PCLO: variants seen among roughly 807,000 people sequenced by gnomAD.
PCLO encodes protein piccolo.
A neutral mutation model predicts 427.5 loss-of-function variants in PCLO; 82 were observed. The ratio of observed to expected loss-of-function variants is 0.19; its 90% CI spans 0.16 to 0.23. PCLO has a LOEUF of 0.23. Ranked by LOEUF, PCLO falls within the 10% of genes least tolerant of loss-of-function variation. The pLI is 1.00. For synonymous variants in PCLO, 2,357 were observed against 2,155.4 expected, an observed-to-expected ratio of 1.09 and a Z score of -2.59; for missense variants, 6,239 against 6,115.9, an observed-to-expected ratio of 1.02 and a Z score of -0.67.
Position 82,916,881 on chromosome 7 carries a change from C to A in PCLO, c.11113-8G>T. The A allele has an allele frequency of 6.3e-7, 1 of 1,591,802 alleles. No homozygotes were observed. The highest frequency in any genetic ancestry group is 8.6e-7 in the Non-Finnish European group (1 of 1,168,346). On this transcript the variant is annotated splice_region_variant and splice_polypyrimidine_tract_variant and intron_variant, in intron 6 of 24. Coordinates refer to ENST00000333891, the MANE Select transcript of PCLO (RefSeq NM_033026.6). ...GGTTTGAGAACCTTTAGTCTATAAT[C>A]AAGTAAACAAAATATAGTACTTTAG... is the stretch of plus-strand genomic sequence containing the variant.
rs1266689766 is a variant in PCLO, at chr7:82,949,939, A to G, written c.10649T>C (p.Ile3550Thr). 2.5e-6 allele frequency: 4 copies of G among 1,613,494 alleles called. No individual in the cohort carries two copies. Among genetic ancestry groups the G allele is most frequent in the Non-Finnish European group, 3.4e-6 (4 of 1,179,794 alleles). The change falls in exon 6 of 25, where the codon ATT becomes ACT. Residue 3550 changes from isoleucine to threonine, a missense_variant. This residue lies in a region of PCLO where 4,677 missense variants were observed against 4,468.4 expected (regional missense o/e 1.05). Coordinates refer to ENST00000333891, the MANE Select transcript of PCLO (RefSeq NM_033026.6). Reference protein sequence around the residue: ...RARVDAKVEIIKHISAPEKTY... With the variant: ...RARVDAKVEITKHISAPEKTY... Reference sequence around the variant, plus strand: ...CTTTTCAGGTGCTGAAATGTGTTTAATTATTTCTACCTTGGCATCCACTCG... The same window carrying G: ...CTTTTCAGGTGCTGAAATGTGTTTAGTTATTTCTACCTTGGCATCCACTCG...
At chr7:82,828,698 T>C (rs954518076) in intron 16 of PCLO, among the ~76,000 whole-genome samples, 10 of 152,278 alleles carry the variant, frequency 6.6e-5, no homozygotes, top group Non-Finnish European at 1.3e-4. Flanking sequence ...CCTATCCTAA[T>C]GAAGTCTGGC....
At chr7:82,768,018 G>A (rs1241050471) in intron 22 of PCLO, among the ~76,000 whole-genome samples, 1 of 152,042 alleles carries the variant, frequency 6.6e-6, no homozygotes, top group Non-Finnish European at 1.5e-5. Context: ...GACAGGGAGG[G>A]AGGAGGAACT....
Position 82,950,548 on chromosome 7 carries a change from C to A in PCLO, c.10040G>T (p.Ser3347Ile). 1 of 1,613,866 alleles carries A rather than the reference C, an allele frequency of 6.2e-7. No homozygotes were observed. Among genetic ancestry groups the A allele is most frequent in the Non-Finnish European group, 8.5e-7 (1 of 1,179,854 alleles). ...LEGQYAALEG[S>I]QFWATEDATT... is the part of the protein sequence containing the mutation. ...TGCATCTTCAGTTGCCCAAAATTGA[C>A]TGCCTTCCAGAGCAGCATACTGACC... is the stretch of plus-strand genomic sequence containing the variant. The change falls in exon 6 of 25, where the codon AGT becomes ATT. Residue 3347 changes from serine (S) to isoleucine (I), a missense_variant. Ser to Ile is a moderately radical substitution (Grantham distance 142). This residue lies in a region of PCLO where 4,677 missense variants were observed against 4,468.4 expected (regional missense o/e 1.05). Coordinates refer to ENST00000333891, the MANE Select transcript of PCLO (RefSeq NM_033026.6).
intron 4 of PCLO, among the ~76,000 whole-genome samples, chr7:82,963,457 A>T (rs1222052801): frequency 8.2e-6 from 1 of 121,478 alleles, no homozygotes; most frequent in Non-Finnish European, 1.7e-5. Flanking sequence ...ATCCACACTT[A>T]AAAAAAAAGG....
chr7:82,834,340 A>G lies in PCLO; in HGVS notation c.14249+1327T>C, dbSNP rs139061705. ...CCTGGATTGTGTTCTGTGATGAGAGAACCAGCCATAACAAGGAATCTATCA... is the reference window on the plus strand; with the variant it reads ...CCTGGATTGTGTTCTGTGATGAGAGGACCAGCCATAACAAGGAATCTATCA... On this transcript the variant is annotated intron_variant, in intron 16 of 24. Coordinates refer to ENST00000333891, the MANE Select transcript of PCLO (RefSeq NM_033026.6). Among the ~76,000 whole-genome samples, 299 of 152,316 alleles carry G rather than the reference A, an allele frequency of 2.0e-3. 2 individuals carry two copies. In the Middle Eastern group the frequency reaches 0.051, roughly 26 times the overall value.
intron 22 of PCLO, among the ~76,000 whole-genome samples, chr7:82,791,422 T>G (rs1416118765): frequency 6.6e-6 from 1 of 152,178 alleles, no homozygotes; most frequent in East Asian, 1.9e-4. Context: ...TAAGTGAGCA[T>G]CCACTTTGGA....
At chr7:83,000,825 G>A (rs1787805326) in intron 3 of PCLO, among the ~76,000 whole-genome samples, 1 of 151,958 alleles carries the variant, frequency 6.6e-6, no homozygotes, top group South Asian at 2.1e-4. Flanking sequence ...AATAAGTGAA[G>A]TAAAATAAAA....
At chr7:83,100,928 A>AT (rs1790721778) in intron 3 of PCLO, among the ~76,000 whole-genome samples, 1 of 152,168 alleles carries the variant, frequency 6.6e-6, no homozygotes, top group African/African-American at 2.4e-5. Flanking sequence ...TTACTCATTC[A>AT]TTTTTATAGT....
chr7:83,083,851 A>T (rs1583999363), intron 3 of PCLO, among the ~76,000 whole-genome samples: 1 of 152,136 alleles, frequency 6.6e-6, no homozygotes, highest in African/African-American at 2.4e-5. Context: ...TTCTTGATAT[A>T]TCTTTTAAAG....
chr7:82,842,699 C>T (rs936134609), intron 13 of PCLO, among the ~76,000 whole-genome samples: 3 of 151,930 alleles, frequency 2.0e-5, no homozygotes, highest in African/African-American at 7.2e-5. Flanking sequence ...GAAAGTCAAA[C>T]AACTCAACAG....
intron 6 of PCLO, among the ~76,000 whole-genome samples, chr7:82,937,675 T>C (rs958659282): frequency 2.6e-5 from 4 of 151,658 alleles, no homozygotes; most frequent in Non-Finnish European, 5.9e-5. Flanking sequence ...TTTTATAATA[T>C]TTACAATGTT....
chr7:82,970,640 TATA>T, intron 3 of PCLO, among the ~76,000 whole-genome samples: 2 of 151,990 alleles, frequency 1.3e-5, no homozygotes, highest in East Asian at 3.9e-4. Flanking sequence ...CAGAGGAAGT[TATA>T]ATGTCAATAA....
In PCLO at chr7:82,953,535, A is replaced by G. The variant is rs753098345; in HGVS notation, c.7418T>C (p.Leu2473Ser). ...AGTAGTACATATTCTTGTAACAGGTAATCCATTACTTCTCAGAACAGCTGT... is the reference window on the plus strand; with the variant it reads ...AGTAGTACATATTCTTGTAACAGGTGATCCATTACTTCTCAGAACAGCTGT... Reference protein sequence around the residue: ...ETTAVLRSNGLPVTRICTTAP... With the variant: ...ETTAVLRSNGSPVTRICTTAP... The change falls in exon 5 of 25, where the codon TTA becomes TCA. Residue 2473 changes from leucine (L) to serine (S), a missense_variant. Transcript: ENST00000333891. The G allele has an allele frequency of 6.2e-7, 1 of 1,613,202 alleles. No homozygotes were observed. The highest frequency in any genetic ancestry group is 1.1e-5 in the South Asian group (1 of 91,052).
intron 22 of PCLO, among the ~76,000 whole-genome samples, chr7:82,794,450 A>ATTTTTTTTTTTTTTTTT (rs141105612): frequency 3.2e-5 from 2 of 62,030 alleles, no homozygotes; most frequent in Non-Finnish European, 7.7e-5. Context: ...TAGTTCATAA[A>ATTTTTTTTTTTTTTTTT]TTTTTTTTCT....
intron 3 of PCLO, among the ~76,000 whole-genome samples, chr7:83,013,099 C>T (rs1287880908): frequency 6.6e-6 from 1 of 152,000 alleles, no homozygotes; most frequent in East Asian, 1.9e-4. Context: ...TACATATATA[C>T]ATATATTTTC....
chr7:82,960,833 T>G (rs1165849219), intron 4 of PCLO, among the ~76,000 whole-genome samples: 3 of 152,162 alleles, frequency 2.0e-5, no homozygotes, highest in Non-Finnish European at 4.4e-5. Flanking sequence ...AGTAAAATAT[T>G]ATACCAAGTG....
intron 22 of PCLO, among the ~76,000 whole-genome samples, chr7:82,764,964 T>C (rs546047613): frequency 2.6e-4 from 39 of 151,980 alleles, no homozygotes; most frequent in African/African-American, 9.4e-4. Flanking sequence ...CTGATAATAA[T>C]GAATATACCT....
chr7:82,861,939 T>TA (rs1792968229), intron 10 of PCLO, among the ~76,000 whole-genome samples: 1 of 151,750 alleles, frequency 6.6e-6, no homozygotes, highest in Admixed American at 6.6e-5. Context: ...TGGAAACACA[T>TA]ACTAAAACCC....
Sources: gnomAD v4.1 joint callset for allele counts (sites outside exome capture counted in the v4.1 genomes callset) on GRCh38, gnomAD v4.1.1 for gene constraint, gnomAD v4.1.1 regional missense constraint, MANE v1.5 for transcripts, NCBI Gene and HGNC (gene_info 2026-07-23, HGNC 2026-07-21) for gene names.